CCNJ: variants seen among roughly 807,000 people sequenced by gnomAD.
CCNJ encodes the protein cyclin-J.
A neutral mutation model predicts 41.4 loss-of-function variants in CCNJ; 12 were observed. That is an observed-to-expected ratio of 0.29 (90% CI 0.19 to 0.47). CCNJ has a LOEUF of 0.47. Among genes scored for constraint, CCNJ ranks in the 20% least tolerant of loss-of-function variants. The probability of loss-of-function intolerance (pLI) is 1.00; values close to 1 mark genes in which losing one functional copy is unlikely to be tolerated. For missense variants in CCNJ, 340 were observed against 464.6 expected, an observed-to-expected ratio of 0.73 and a Z score of 2.47; for synonymous variants, 161 against 173.4, an observed-to-expected ratio of 0.93 and a Z score of 0.56.
intron 1 of CCNJ, 21 bp downstream of exon 1, chr10:96,043,740 C>T (rs933681009): frequency 1.8e-5 from 7 of 389,460 alleles, no homozygotes; most frequent in Non-Finnish European, 3.2e-5. Flanking sequence ...CAGCGTGGGG[C>T]CGGGCGGCCC....
chr10:96,051,802 A>G (rs1175850802), intron 3 of CCNJ, among the ~76,000 whole-genome samples: 2 of 152,164 alleles, frequency 1.3e-5, no homozygotes, highest in Non-Finnish European at 2.9e-5. Context: ...GATGACCTCA[A>G]CTACTTATTT....
intron 2 of CCNJ, among the ~76,000 whole-genome samples, chr10:96,045,046 C>T (rs1389816504): frequency 6.6e-6 from 1 of 152,186 alleles, no homozygotes; most frequent in Admixed American, 6.5e-5. Flanking sequence ...ATCACTTACC[C>T]CTCAGGATTT....
chr10:96,049,838 C>A (rs1346563010), intron 2 of CCNJ, among the ~76,000 whole-genome samples: 1 of 152,138 alleles, frequency 6.6e-6, no homozygotes, highest in African/African-American at 2.4e-5. Flanking sequence ...ATACTGTATG[C>A]AGCATATCCA....
Position 96,056,749 on chromosome 10 carries a change from A to G in CCNJ, c.329A>G (p.Asn110Ser). ...EDSVPKLEQLNSLGCMTNMNL... is the reference protein window; with the variant it reads ...EDSVPKLEQLSSLGCMTNMNL... ...AGTGTGCCTAAGCTGGAGCAGCTCA[A>G]CAGCCTGGGTTGTATGACTAATATG... is the stretch of plus-strand genomic sequence containing the variant. Residue 110 changes from asparagine to serine, a missense_variant, in exon 4 of 6, where the codon AAC becomes AGC. Asn to Ser is a conservative substitution (Grantham distance 46, BLOSUM62 1). Around this residue, in one of 3 missense-constraint regions of CCNJ, gnomAD observed 137 missense variants for 252.9 expected, o/e 0.54. Transcript: ENST00000465148. 3 of 1,613,344 alleles carry G rather than the reference A, an allele frequency of 1.9e-6. No individual in the cohort carries two copies. Among genetic ancestry groups the G allele is most frequent in the African/African-American group, 1.3e-5 (1 of 74,990 alleles).
intron 1 of CCNJ, 70 bp from the exon 2 acceptor site, chr10:96,044,283 C>A (rs2080298375): frequency 1.3e-6 from 1 of 767,530 alleles, no homozygotes; most frequent in Non-Finnish European, 1.8e-6. Context: ...TGAGGTCACA[C>A]CCCCCGGGGA....
intron 3 of CCNJ, among the ~76,000 whole-genome samples, chr10:96,052,309 G>T (rs951145904): frequency 1.3e-5 from 2 of 152,184 alleles, no homozygotes; most frequent in African/African-American, 4.8e-5. Context: ...AAATAAAATG[G>T]ATTTTTGTTA....
chr10:96,046,666 T>G (rs567330357), intron 2 of CCNJ, among the ~76,000 whole-genome samples: 2 of 152,328 alleles, frequency 1.3e-5, no homozygotes, highest in African/African-American at 4.8e-5. Context: ...ATTCTATGTT[T>G]AGGCCCTAGG....
At chr10:96,052,991 C>T (rs546494739) in intron 3 of CCNJ, among the ~76,000 whole-genome samples, 1 of 152,324 alleles carries the variant, frequency 6.6e-6, no homozygotes, top group South Asian at 2.1e-4. Flanking sequence ...CAACCCTAGT[C>T]TGTAACTTTA....
At chr10:96,043,440 C>T, upstream of CCNJ, 1 of 379,196 alleles carries the variant, frequency 2.6e-6, no homozygotes, top group South Asian at 1.4e-4. Flanking sequence ...CGCGCCGCCG[C>T]CTGGCGCTGC....
chr10:96,051,407 T>C (rs772708056), intron 3 of CCNJ, among the ~76,000 whole-genome samples: 1 of 152,362 alleles, frequency 6.6e-6, no homozygotes, highest in South Asian at 2.1e-4. Context: ...TATATTCATG[T>C]TATTACAATG....
intron 3 of CCNJ, among the ~76,000 whole-genome samples, chr10:96,056,258 G>A (rs890750621): frequency 2.6e-5 from 4 of 150,990 alleles, no homozygotes; most frequent in Non-Finnish European, 4.4e-5. Flanking sequence ...GCAGTGAGCC[G>A]AGATCACGCC....
At chr10:96,046,605 C>A (rs2080370898) in intron 2 of CCNJ, among the ~76,000 whole-genome samples, 1 of 152,204 alleles carries the variant, frequency 6.6e-6, no homozygotes, top group South Asian at 2.1e-4. Context: ...TTTAGAGCAT[C>A]CACATTTAGG....
At position 96,043,736 on chromosome 10, in the gene CCNJ, G is replaced by A; in HGVS notation, c.-42+17G>A. On this transcript the variant is annotated intron_variant, in intron 1 of 5. Coordinates refer to ENST00000465148, the MANE Select transcript of CCNJ (RefSeq NM_001134375.2). Reference sequence around the variant, plus strand: ...CGGTTCCGGGTAAGGGAGCCAGCGTGGGGCCGGGCGGCCCGGCAGGCCTGG... The same window carrying A: ...CGGTTCCGGGTAAGGGAGCCAGCGTAGGGCCGGGCGGCCCGGCAGGCCTGG... The A allele has an allele frequency of 2.6e-6, 1 of 390,242 alleles. No homozygotes were observed. Among genetic ancestry groups the A allele is most frequent in the East Asian group, 3.6e-5 (1 of 27,478 alleles). The allele number at this position is 390,242 out of a possible 1,614,324, so 24.2% of individuals were successfully genotyped here. A position where few individuals can be genotyped will look rare whatever the true frequency, so the allele number is the denominator to read the frequency against.
chr10:96,044,745 TA>T (rs1333873622), intron 2 of CCNJ, among the ~76,000 whole-genome samples: 1 of 152,234 alleles, frequency 6.6e-6, no homozygotes, highest in Non-Finnish European at 1.5e-5. Context: ...TCTTGTATTT[TA>T]AAAGATATAT....
upstream of CCNJ, chr10:96,043,563 G>C (rs1049286430): frequency 5.6e-5 from 22 of 394,814 alleles, no homozygotes; most frequent in Non-Finnish European, 9.8e-5. Flanking sequence ...TTTGTATGCG[G>C]AGCCGCCTGC....
chr10:96,049,423 T>G (rs1430700409), intron 2 of CCNJ, among the ~76,000 whole-genome samples: 2 of 151,936 alleles, frequency 1.3e-5, no homozygotes, highest in East Asian at 3.8e-4. Context: ...TAGCATCTTT[T>G]GTTAAACAAA....
intron 2 of CCNJ, among the ~76,000 whole-genome samples, chr10:96,047,367 C>T (rs1466417703): frequency 6.6e-6 from 1 of 152,092 alleles, no homozygotes; most frequent in East Asian, 1.9e-4. Context: ...ATTTTTTTGG[C>T]CAGGCATGGT....
At chr10:96,056,172 G>A (rs989546542) in intron 3 of CCNJ, among the ~76,000 whole-genome samples, 1 of 152,048 alleles carries the variant, frequency 6.6e-6, no homozygotes, top group Non-Finnish European at 1.5e-5. Context: ...AGCCAGGCGT[G>A]GTGGCGGGCG....
At position 96,058,578 on chromosome 10, in the gene CCNJ, TG is replaced by T. The variant is rs1320080287; in HGVS notation, c.*340del. 3 of 431,622 alleles carry T rather than the reference TG, an allele frequency of 7.0e-6. No homozygotes were observed. The highest frequency in any genetic ancestry group is 1.2e-5 in the Non-Finnish European group (3 of 244,842). 26.7% of individuals were successfully genotyped at this position (431,622 alleles called of 1,614,324 possible). ...TTGAGATTTGACCTGTGGTAGCATC[TG>T]GGCCTAATGTTGGCTTCTAAGTCAA... On this transcript the variant is annotated 3_prime_UTR_variant, in exon 6 of 6. Coordinates refer to ENST00000465148, the MANE Select transcript of CCNJ (RefSeq NM_001134375.2).
Sources: allele counts gnomAD v4.1 joint callset (sites outside exome capture counted in the v4.1 genomes callset), GRCh38; gene constraint gnomAD v4.1.1; regional missense constraint gnomAD v4.1.1; transcripts MANE v1.5; gene names NCBI Gene and HGNC (gene_info 2026-07-23, HGNC 2026-07-21).